Variants in LGR6 observed in about 807,000 individuals in gnomAD.
The protein encoded by LGR6 is leucine-rich repeat-containing G protein-coupled receptor 6.
LGR6 carries 45 observed loss-of-function variants against 69.4 expected under a neutral mutation model. The observed-to-expected ratio is 0.65, with a 90% CI of 0.51 to 0.83. The LOEUF (loss-of-function observed/expected upper bound fraction) is 0.83, where lower values mean the gene tolerates loss of function less well. LGR6 is among the 40% of genes least tolerant of loss of function. LGR6 has a pLI of 0.00. For missense variants in LGR6, 1,108 were observed against 1,246.7 expected (o/e 0.89, Z 1.68); for synonymous variants, 538 against 555.0 (o/e 0.97, Z 0.43).
chr1:202,301,777 G>A (rs1338847994), intron 9 of LGR6, among the ~76,000 whole-genome samples: 1 of 152,180 alleles, frequency 6.6e-6, no homozygotes, highest in African/African-American at 2.4e-5. Flanking sequence ...ACCACTTTGG[G>A]AGGCTGAGGC....
At chr1:202,304,471 A>T in intron 10 of LGR6, 88 bp from the exon 11 acceptor site, 3 of 890,140 alleles carry the variant, frequency 3.4e-6, no homozygotes, top group Non-Finnish European at 5.3e-6. Flanking sequence ...TCATCCCACG[A>T]CAGTATCAGG....
At chr1:202,271,807 T>TC (rs1665125816) in intron 4 of LGR6, among the ~76,000 whole-genome samples, 1 of 59,688 alleles carries the variant, frequency 1.7e-5, no homozygotes, top group Non-Finnish European at 3.5e-5. Flanking sequence ...AAACTCTGTC[T>TC]CAAAAAAAAA....
intron 1 of LGR6, among the ~76,000 whole-genome samples, chr1:202,207,369 A>T (rs1272893838): frequency 6.6e-6 from 1 of 152,056 alleles, no homozygotes; most frequent in African/African-American, 2.4e-5. Flanking sequence ...ACTAGAGGGG[A>T]GACTGAGCAA....
chr1:202,291,700 T>C (rs1490000918), intron 6 of LGR6, among the ~76,000 whole-genome samples: 1 of 152,200 alleles, frequency 6.6e-6, no homozygotes, highest in Non-Finnish European at 1.5e-5. Context: ...ATACTAGCTG[T>C]GGAACTGTGG....
chr1:202,282,278 A>G (rs1171987303), intron 6 of LGR6, among the ~76,000 whole-genome samples: 2 of 152,206 alleles, frequency 1.3e-5, no homozygotes, highest in African/African-American at 2.4e-5. Context: ...AGCCCACTCA[A>G]TCAACATCTG....
At chr1:202,244,375 A>C (rs1219215196) in intron 4 of LGR6, among the ~76,000 whole-genome samples, 2 of 152,220 alleles carry the variant, frequency 1.3e-5, no homozygotes, top group African/African-American at 2.4e-5. Context: ...TTAACAAAAC[A>C]TCAAAAACTG....
chr1:202,276,188 A>G lies in LGR6; in HGVS notation c.429-118A>G, dbSNP rs1665536472. ...CAGGATACATGGTGGCCAAGTCACAACTTTAGTCCCAGGGAGCCTCAAAGG... is the reference window on the plus strand; with the variant it reads ...CAGGATACATGGTGGCCAAGTCACAGCTTTAGTCCCAGGGAGCCTCAAAGG... On this transcript the variant is annotated intron_variant, in intron 4 of 17. Coordinates refer to ENST00000367278, the MANE Select transcript of LGR6 (RefSeq NM_001017403.2). The G allele has an allele frequency of 7.9e-6, 6 of 755,854 alleles. No homozygotes were observed. The Admixed American group carries it at 9.5e-5, about 12-fold the overall frequency. The allele number at this position is 755,854 out of a possible 1,614,324, so 46.8% of individuals were successfully genotyped here. A position where few individuals can be genotyped will look rare whatever the true frequency, so the allele number is the denominator to read the frequency against.
At chr1:202,260,178 A>C (rs376894234) in intron 4 of LGR6, among the ~76,000 whole-genome samples, 6 of 152,086 alleles carry the variant, frequency 3.9e-5, no homozygotes, top group East Asian at 3.9e-4. Flanking sequence ...AGCTGGAATT[A>C]CAGGCATGTG....
At chr1:202,241,896 C>T (rs1044215804) in intron 4 of LGR6, among the ~76,000 whole-genome samples, 2 of 152,044 alleles carry the variant, frequency 1.3e-5, no homozygotes, top group Non-Finnish European at 2.9e-5. Context: ...TGTCTAGAGC[C>T]GGGGAAATGA....
chr1:202,308,953 T>C (rs1653490200), intron 14 of LGR6, 98 bp from the exon 15 acceptor site: 1 of 1,449,494 alleles, frequency 6.9e-7, no homozygotes, highest in Admixed American at 1.8e-5. Flanking sequence ...CCTCTCCTCT[T>C]GCTTCCATCC....
At chr1:202,264,286 C>G (rs1477150811) in intron 4 of LGR6, among the ~76,000 whole-genome samples, 1 of 152,120 alleles carries the variant, frequency 6.6e-6, no homozygotes, top group Admixed American at 6.5e-5. Context: ...TTAATATGTG[C>G]CTGAATTTTC....
intron 4 of LGR6, among the ~76,000 whole-genome samples, chr1:202,258,996 A>G (rs1307628307): frequency 1.3e-5 from 2 of 151,976 alleles, no homozygotes; most frequent in Non-Finnish European, 2.9e-5. Context: ...CATTTTTTTA[A>G]ATTAGAAGTT....
At chr1:202,255,335 T>C (rs1349711149) in intron 4 of LGR6, among the ~76,000 whole-genome samples, 5 of 152,160 alleles carry the variant, frequency 3.3e-5, no homozygotes, top group Non-Finnish European at 5.9e-5. Flanking sequence ...GCAGTGGCCT[T>C]GGGGTCAGGA....
At chr1:202,204,632 C>T (rs1659013176) in intron 1 of LGR6, among the ~76,000 whole-genome samples, 1 of 85,852 alleles carries the variant, frequency 1.2e-5, no homozygotes, top group Non-Finnish European at 2.3e-5. Context: ...TTCAAACACA[C>T]ACACCTCCAA....
intron 17 of LGR6, 87 bp downstream of exon 17, chr1:202,314,969 T>C (rs1654035685): frequency 2.1e-6 from 2 of 934,510 alleles, no homozygotes; most frequent in Non-Finnish European, 3.5e-6. Context: ...CAGCCTGGCA[T>C]GTCTGCAGCC....
chr1:202,315,321 T>C, intron 17 of LGR6, among the ~76,000 whole-genome samples: 1 of 152,176 alleles, frequency 6.6e-6, no homozygotes, highest in Non-Finnish European at 1.5e-5. Context: ...CCCAGGAAGA[T>C]TACAGTCTCT....
chr1:202,240,357 G>C lies in LGR6; in HGVS notation c.428+4364G>C, dbSNP rs138992436. Among the ~76,000 whole-genome samples, 388 of 144,834 alleles carry C rather than the reference G, an allele frequency of 2.7e-3. 3 individuals are homozygous for C. In the East Asian group the frequency reaches 0.034, roughly 13 times the overall value. On this transcript the variant is annotated intron_variant, in intron 4 of 17. Transcript: ENST00000367278. Reference sequence around the variant, plus strand: ...CCACTGTACTCCAGTCTGGGCAACAGAGCAAGACTCCATCTCAGAAAAAAA... The same window carrying C: ...CCACTGTACTCCAGTCTGGGCAACACAGCAAGACTCCATCTCAGAAAAAAA...
intron 1 of LGR6, among the ~76,000 whole-genome samples, chr1:202,207,744 G>A (rs1235378310): frequency 1.3e-5 from 2 of 152,202 alleles, no homozygotes. Flanking sequence ...CTGTAATAGA[G>A]GGATGACAAC....
rs1343240464 is a variant in LGR6 at position 202,194,215 on chromosome 1, G to T, written c.212+14G>T. Reference sequence around the variant, plus strand: ...GACGGCTTACCTGTGAGTACTGCCCGCCTGTCCCCGCCTGGTCCTGCGGGC... The same window carrying T: ...GACGGCTTACCTGTGAGTACTGCCCTCCTGTCCCCGCCTGGTCCTGCGGGC... On this transcript the variant is annotated intron_variant, in intron 1 of 17. Coordinates refer to ENST00000367278, the MANE Select transcript of LGR6 (RefSeq NM_001017403.2). 6.6e-7 allele frequency: 1 copy of T among 1,520,830 alleles called. No homozygotes were observed. 94.2% of individuals were successfully genotyped at this position (1,520,830 alleles called of 1,614,324 possible).
Sources: gnomAD v4.1 joint callset for allele counts (sites outside exome capture counted in the v4.1 genomes callset) on GRCh38, gnomAD v4.1.1 for gene constraint, MANE v1.5 for transcripts, NCBI Gene and HGNC (gene_info 2026-07-23, HGNC 2026-07-21) for gene names.